The following DLGAP1 variants were observed in gnomAD, a reference collection of about 807,000 sequenced individuals.
DLGAP1 encodes the protein DLG associated protein 1, also known as disks large-associated protein 1.
In DLGAP1, 11 loss-of-function variants were observed where a neutral mutation model predicts 90.8. The ratio of observed to expected loss-of-function variants is 0.12; its 90% confidence interval spans 0.08 to 0.20. The LOEUF (loss-of-function observed/expected upper bound fraction) is 0.20, where lower values mean the gene tolerates loss of function less well. Ranked by LOEUF, DLGAP1 falls within the 10% of genes least tolerant of loss-of-function variation. DLGAP1 has a pLI of 1.00. For synonymous variants in DLGAP1, 558 were observed against 540.7 expected, an observed-to-expected ratio of 1.03 and a Z score of -0.44; for missense variants, 1,050 against 1,333.8, an observed-to-expected ratio of 0.79 and a Z score of 3.31.
chr18:3,880,294 C>T (rs2071121688), intron 3 of DLGAP1, among the ~76,000 whole-genome samples, 154 bp from the exon 4 acceptor site: 1 of 152,164 alleles, frequency 6.6e-6, no homozygotes, highest in South Asian at 2.1e-4. Context: ...AGCCATCCTT[C>T]CACACCAGCC....
At chr18:4,038,449 G>A (rs370913301) in intron 2 of DLGAP1, among the ~76,000 whole-genome samples, 1 of 152,136 alleles carries the variant, frequency 6.6e-6, no homozygotes, top group South Asian at 2.1e-4. Context: ...AGCAGCCACA[G>A]AGAGGCAGGA....
intron 3 of DLGAP1, among the ~76,000 whole-genome samples, chr18:3,959,169 C>T (rs554378760): frequency 4.2e-4 from 64 of 152,140 alleles, no homozygotes; most frequent in Non-Finnish European, 7.8e-4. Context: ...CTTATAATCG[C>T]CTCAGTTTTT....
intron 7 of DLGAP1, among the ~76,000 whole-genome samples, chr18:3,642,274 G>A (rs1017921919): frequency 2.0e-5 from 3 of 152,152 alleles, no homozygotes; most frequent in African/African-American, 7.2e-5. Flanking sequence ...ATTCTTACTC[G>A]TTGAGCATCC....
intron 2 of DLGAP1, among the ~76,000 whole-genome samples, chr18:4,097,644 C>T (rs2075705949): frequency 6.6e-6 from 1 of 152,198 alleles, no homozygotes; most frequent in Non-Finnish European, 1.5e-5. Flanking sequence ...GGAACCAATA[C>T]AGATAAATCC....
At chr18:4,171,605 C>T (rs756241723) in intron 1 of DLGAP1, among the ~76,000 whole-genome samples, 13 of 150,990 alleles carry the variant, frequency 8.6e-5, no homozygotes, top group Non-Finnish European at 1.5e-4. Flanking sequence ...CTTTAGGAGG[C>T]GAATTATTGA....
At position 4,086,624 on chromosome 18, in the gene DLGAP1, T is replaced by C. The variant is rs567647805; in HGVS notation, c.-159+64556A>G. On this transcript the variant is annotated intron_variant, in intron 2 of 12. Coordinates refer to ENST00000315677, the MANE Select transcript of DLGAP1 (RefSeq NM_004746.4). The stretch of plus-strand genomic sequence containing the variant: ...GGAAATTTTTCTGTTTTTGTTTTTT[T>C]AATCCGATTTAATTCCATCGTGGTC... Among the ~76,000 whole-genome samples the C allele has an allele frequency of 5.1e-4, 77 of 152,320 alleles. 2 individuals are homozygous for C. In the Middle Eastern group the frequency reaches 0.01, roughly 20 times the overall value.
chr18:3,880,788 C>CAAA, intron 3 of DLGAP1, among the ~76,000 whole-genome samples: 1 of 151,252 alleles, frequency 6.6e-6, no homozygotes, highest in East Asian at 2.0e-4. Flanking sequence ...ACTAAAAATA[C>CAAA]AAAAATTAGC....
At chr18:4,445,679 C>T (rs563317888) in intron 1 of DLGAP1, among the ~76,000 whole-genome samples, 19 of 152,060 alleles carry the variant, frequency 1.2e-4, no homozygotes, top group Middle Eastern at 3.4e-3. Context: ...GCCTATGAGA[C>T]ATGCAAAAAA....
At chr18:3,536,053 GA>G (rs2052354597) in intron 9 of DLGAP1, among the ~76,000 whole-genome samples, 1 of 151,748 alleles carries the variant, frequency 6.6e-6, no homozygotes. Flanking sequence ...AAAGAAATGG[GA>G]AAAACATAAC....
intron 4 of DLGAP1, among the ~76,000 whole-genome samples, chr18:3,838,371 C>T (rs912650659): frequency 6.6e-6 from 1 of 152,184 alleles, no homozygotes; most frequent in African/African-American, 2.4e-5. Context: ...AAATTCTCAG[C>T]AGTGGTAAAG....
Position 3,659,560 on chromosome 18 carries a change from CT to C in DLGAP1, c.1591+69574del, listed in dbSNP as rs200662417. On this transcript the variant is annotated intron_variant, in intron 7 of 12. Coordinates refer to ENST00000315677, the MANE Select transcript of DLGAP1 (RefSeq NM_004746.4). Reference sequence around the variant, plus strand: ...AACTGTTTTTCTCTCAGCTCAATATCTTTTTTTTTTTTTCTTATTTTTTGAG... The same window carrying C: ...AACTGTTTTTCTCTCAGCTCAATATCTTTTTTTTTTTTCTTATTTTTTGAG... Among the ~76,000 whole-genome samples the C allele has an allele frequency of 1.3e-3, 191 of 142,186 alleles. 1 individual carries two copies. Among genetic ancestry groups the C allele is most frequent in the Middle Eastern group, 3.6e-3 (1 of 276 alleles). The allele number at this position is 142,186 out of a possible 152,430, so 93.3% of individuals were successfully genotyped here.
Position 4,201,225 on chromosome 18 carries a change from A to G in DLGAP1, c.-266-49938T>C, listed in dbSNP as rs576539517. ...TACTCACAAATTCTTTGCCTAGGCC[A>G]ATGTCCAGAAGAGTTTTTCCTCCAG... On this transcript the variant is annotated intron_variant, in intron 1 of 12. Transcript: ENST00000315677. Among the ~76,000 whole-genome samples the G allele has an allele frequency of 2.0e-5, 3 of 152,224 alleles. No individual in the cohort carries two copies. In the South Asian group the frequency reaches 6.2e-4, roughly 32 times the overall value.
In DLGAP1 at chr18:3,729,157, A is replaced by G; in HGVS notation, c.1569T>C (p.Val523=). 1 of 1,612,930 alleles carries G rather than the reference A, an allele frequency of 6.2e-7. No homozygotes were observed. Among genetic ancestry groups the G allele is most frequent in the Non-Finnish European group, 8.5e-7 (1 of 1,179,720 alleles). ...SSSPPRTTTT[V]RTIQSSTVSS... ...CACCCGTGCTGCTCTGGATGGTCCTAACGGTGGTGGTGGTGCGCGGCGGCG... is the reference window on the plus strand; with the variant it reads ...CACCCGTGCTGCTCTGGATGGTCCTGACGGTGGTGGTGGTGCGCGGCGGCG... Residue 523 remains valine (V), a synonymous_variant, in exon 7 of 13, where the codon GTT becomes GTC. Transcript: ENST00000315677. The surrounding 1 kb of genome is among the most constrained non-coding windows in gnomAD (Gnocchi z 6.2).
chr18:4,362,209 T>C (rs772908368), intron 1 of DLGAP1, among the ~76,000 whole-genome samples: 18 of 152,190 alleles, frequency 1.2e-4, no homozygotes, highest in Admixed American at 4.6e-4. Context: ...AATTCCTTTA[T>C]GATCCAGCAA....
intron 4 of DLGAP1, among the ~76,000 whole-genome samples, chr18:3,870,824 T>C (rs1490562735): frequency 2.0e-5 from 3 of 152,346 alleles, no homozygotes; most frequent in East Asian, 1.9e-4. Flanking sequence ...CATATCCTAA[T>C]GTGTTCTGCT....
At chr18:3,809,160 T>A (rs1358540619) in intron 5 of DLGAP1, among the ~76,000 whole-genome samples, 1 of 152,064 alleles carries the variant, frequency 6.6e-6, no homozygotes, top group Non-Finnish European at 1.5e-5. Flanking sequence ...GCTCAGTCTG[T>A]TCTCAATGGG....
intron 1 of DLGAP1, among the ~76,000 whole-genome samples, chr18:4,213,145 C>A (rs2077882033): frequency 6.6e-6 from 1 of 152,136 alleles, no homozygotes. Context: ...ACAGTCTCTG[C>A]CGTTCCTTGA....
chr18:3,811,500 G>A (rs1598843429), intron 5 of DLGAP1, among the ~76,000 whole-genome samples: 1 of 152,130 alleles, frequency 6.6e-6, no homozygotes, highest in African/African-American at 2.4e-5. Flanking sequence ...TCCATCCTAA[G>A]TAAAATGTTT....
At chr18:3,551,722 CCCTTCCTTCCTT>C (rs1156785378) in intron 9 of DLGAP1, among the ~76,000 whole-genome samples, 450 of 12,494 alleles carry the variant, frequency 0.036, 19 homozygotes, top group African/African-American at 0.054. Flanking sequence ...CTCCCTCCCT[CCCTTCCTTCCTT>C]CCTTCCTTCC....
Sources: allele counts gnomAD v4.1 joint callset (sites outside exome capture counted in the v4.1 genomes callset), GRCh38; gene constraint gnomAD v4.1.1; non-coding constraint Gnocchi (gnomAD v3.1); transcripts MANE v1.5; gene names NCBI Gene and HGNC (gene_info 2026-07-23, HGNC 2026-07-21).